The following SPAG17 variants were observed in gnomAD, a reference collection of about 807,000 sequenced individuals.
SPAG17 encodes sperm associated antigen 17.
A neutral mutation model predicts 273.6 loss-of-function variants in SPAG17; 169 were observed. The observed-to-expected ratio is 0.62, with a 90% confidence interval of 0.55 to 0.70. The LOEUF is 0.70. Among genes scored for constraint, SPAG17 ranks in the 30% least tolerant of loss-of-function variants. The pLI is 0.00. For missense variants in SPAG17, 2,557 were observed against 2,627.8 expected, an observed-to-expected ratio of 0.97 and a Z score of 0.59; for synonymous variants, 825 against 873.2, an observed-to-expected ratio of 0.94 and a Z score of 0.97.
intron 1 of SPAG17, among the ~76,000 whole-genome samples, chr1:118,164,226 A>G (rs375707596): frequency 1.3e-5 from 2 of 152,210 alleles, no homozygotes; most frequent in African/African-American, 2.4e-5. Context: ...TCTGAGCTAT[A>G]TAGTCCGTAT....
intron 1 of SPAG17, among the ~76,000 whole-genome samples, chr1:118,174,012 C>T (rs1660562612): frequency 3.3e-5 from 5 of 152,066 alleles, no homozygotes; most frequent in Admixed American, 1.3e-4. Flanking sequence ...TACCAATCTT[C>T]AAAACCTGGA....
chr1:118,019,168 G>A (rs192670657), intron 28 of SPAG17, among the ~76,000 whole-genome samples: 40 of 151,488 alleles, frequency 2.6e-4, no homozygotes, highest in African/African-American at 9.0e-4. Context: ...AGAGCCAGAA[G>A]AAGCAACAGA....
At chr1:118,016,894 T>C (rs1299502269) in intron 28 of SPAG17, among the ~76,000 whole-genome samples, 1 of 152,178 alleles carries the variant, frequency 6.6e-6, no homozygotes, top group African/African-American at 2.4e-5. Flanking sequence ...TCCATTTCCA[T>C]GAATAATAAT....
chr1:118,128,780 T>C (rs1484093346), intron 3 of SPAG17, among the ~76,000 whole-genome samples: 3 of 152,170 alleles, frequency 2.0e-5, no homozygotes, highest in East Asian at 1.9e-4. Flanking sequence ...AGGTTGCTGA[T>C]TGCTCCTCCA....
chr1:118,169,785 T>C (rs1226636628), intron 1 of SPAG17, among the ~76,000 whole-genome samples: 1 of 152,178 alleles, frequency 6.6e-6, no homozygotes, highest in Non-Finnish European at 1.5e-5. Flanking sequence ...CAGCCCTTTA[T>C]AAGAATTAGA....
At chr1:118,015,006 C>T (rs1378763248) in intron 29 of SPAG17, among the ~76,000 whole-genome samples, 2 of 152,050 alleles carry the variant, frequency 1.3e-5, no homozygotes, top group Non-Finnish European at 1.5e-5. Flanking sequence ...GATAGAGGGC[C>T]GGGCGTGGTG....
chr1:118,173,353 G>A (rs1660506331), intron 1 of SPAG17, among the ~76,000 whole-genome samples: 1 of 152,154 alleles, frequency 6.6e-6, no homozygotes, highest in South Asian at 2.1e-4. Context: ...GTGAGCCAGA[G>A]GAGTAGAGTA....
At chr1:117,964,738 GC>G in intron 47 of SPAG17, 1 of 152,224 alleles carries the variant, frequency 6.6e-6, no homozygotes, top group East Asian at 1.9e-4. Flanking sequence ...AGGCGTTTCG[GC>G]ATCTTTGAAA....
chr1:118,044,125 A>G (rs973321939), intron 20 of SPAG17, among the ~76,000 whole-genome samples: 4 of 152,218 alleles, frequency 2.6e-5, no homozygotes, highest in Admixed American at 6.5e-5. Context: ...AGAAACATTT[A>G]TAACTTATGT....
Position 117,989,874 on chromosome 1 carries a change from C to A in SPAG17, c.5521+987G>T, listed in dbSNP as rs185753113. Among the ~76,000 whole-genome samples the A allele has an allele frequency of 2.8e-3, 421 of 152,190 alleles. 1 individual carries two copies. Among genetic ancestry groups the A allele is most frequent in the Admixed American group, 5.6e-3 (86 of 15,290 alleles). ...GGATTACAGGCAAGAGCCACCAGGC[C>A]GGGCCTGGGGATCAAATTTCAACAT... is the stretch of plus-strand genomic sequence containing the variant. On this transcript the variant is annotated intron_variant, in intron 38 of 48. Coordinates refer to ENST00000336338, the MANE Select transcript of SPAG17 (RefSeq NM_206996.4).
chr1:118,183,608 C>G (rs902716186), intron 1 of SPAG17, among the ~76,000 whole-genome samples: 1 of 152,126 alleles, frequency 6.6e-6, no homozygotes, highest in Non-Finnish European at 1.5e-5. Context: ...TGAGTAGGAT[C>G]AAGAAAGCTG....
At chr1:118,130,435 A>G (rs1341978452) in intron 3 of SPAG17, among the ~76,000 whole-genome samples, 1 of 152,210 alleles carries the variant, frequency 6.6e-6, no homozygotes, top group Non-Finnish European at 1.5e-5. Flanking sequence ...GGTCATTTAC[A>G]TATTGACACT....
At chr1:117,975,314 A>AC (rs1174209429) in intron 43 of SPAG17, among the ~76,000 whole-genome samples, 1 of 152,222 alleles carries the variant, frequency 6.6e-6, no homozygotes, top group Non-Finnish European at 1.5e-5. Context: ...CCACAGTCAC[A>AC]CAGCCACTAT....
intron 18 of SPAG17, among the ~76,000 whole-genome samples, chr1:118,061,485 CA>C (rs2102029335): frequency 6.6e-6 from 1 of 152,254 alleles, no homozygotes; most frequent in South Asian, 2.1e-4. Context: ...TTATCTAAAA[CA>C]GTCAAATTCA....
chr1:118,071,787 T>C (rs772636635), intron 17 of SPAG17, among the ~76,000 whole-genome samples: 14 of 151,400 alleles, frequency 9.2e-5, no homozygotes, highest in Admixed American at 4.6e-4. Flanking sequence ...AAAAGATAAA[T>C]TGATGGAAAC....
intron 4 of SPAG17, among the ~76,000 whole-genome samples, chr1:118,111,613 T>C (rs1165463171): frequency 2.7e-5 from 4 of 145,886 alleles, no homozygotes; most frequent in African/African-American, 1.0e-4. Flanking sequence ...CCTTGGCTGG[T>C]TTCCAGTGTT....
intron 3 of SPAG17, among the ~76,000 whole-genome samples, chr1:118,131,679 C>T (rs892134094): frequency 6.6e-6 from 1 of 152,158 alleles, no homozygotes; most frequent in African/African-American, 2.4e-5. Flanking sequence ...CAAATTTCAC[C>T]ACTACCTAGA....
chr1:118,049,339 C>T (rs775724384), intron 20 of SPAG17, among the ~76,000 whole-genome samples: 14 of 152,130 alleles, frequency 9.2e-5, no homozygotes, highest in Non-Finnish European at 1.9e-4. Flanking sequence ...TTCTAGTAAA[C>T]TGAATTCAAC....
At chr1:118,088,308 C>G (rs1292889935) in intron 10 of SPAG17, among the ~76,000 whole-genome samples, 1 of 152,186 alleles carries the variant, frequency 6.6e-6, no homozygotes, top group Non-Finnish European at 1.5e-5. Flanking sequence ...AGCTCATTAA[C>G]TGTCTTCTTT....
Sources: gnomAD v4.1 joint callset for allele counts (sites outside exome capture counted in the v4.1 genomes callset) on GRCh38, gnomAD v4.1.1 for gene constraint, MANE v1.5 for transcripts, NCBI Gene and HGNC (gene_info 2026-07-23, HGNC 2026-07-21) for gene names.